The following WDFY3 variants were observed in gnomAD, a reference collection of about 807,000 sequenced individuals.
The protein encoded by WDFY3 is WD repeat and FYVE domain containing 3.
A neutral mutation model predicts 409.6 loss-of-function variants in WDFY3; 66 were observed. The ratio of observed to expected loss-of-function variants is 0.16; its 90% CI spans 0.13 to 0.20. The LOEUF is 0.20. Among genes scored for constraint, WDFY3 ranks in the 10% least tolerant of loss-of-function variants. The pLI is 1.00. For synonymous variants in WDFY3, 1,521 were observed against 1,537.1 expected (o/e 0.99, Z 0.25); for missense variants, 3,031 against 4,298.1 (o/e 0.71, Z 8.24).
rs1031834535 is a variant in WDFY3 at position 84,772,845 on chromosome 4, C to A, written c.4839G>T (p.Lys1613Asn). Reference sequence around the variant, plus strand: ...CCAGAATCAACTTACCAGTGTCAAGCTTCTCTTCATTATTTATTTCCATTA... The same window carrying A: ...CCAGAATCAACTTACCAGTGTCAAGATTCTCTTCATTATTTATTTCCATTA... The part of the protein sequence containing the change: ...FVVMEINNEE[K>N]LDTGTEEEFG... The change falls in exon 30 of 68, where the codon AAG (lysine) becomes AAT (asparagine). Residue 1613 changes from lysine (K) to asparagine (N), a missense_variant. Around this residue, in one of 16 missense-constraint regions of WDFY3, gnomAD observed 342 missense variants for 463.7 expected, o/e 0.74. Coordinates refer to ENST00000295888, the MANE Select transcript of WDFY3 (RefSeq NM_014991.6). 1.2e-6 allele frequency: 2 copies of A among 1,610,222 alleles called. No homozygotes were observed. The highest frequency in any genetic ancestry group is 1.7e-6 in the Non-Finnish European group (2 of 1,178,504).
chr4:84,818,255 C>T (rs1753594389), intron 12 of WDFY3, among the ~76,000 whole-genome samples: 1 of 152,120 alleles, frequency 6.6e-6, no homozygotes, highest in Non-Finnish European at 1.5e-5. Context: ...CTCCTGCTCA[C>T]AAGTGATACT....
intron 32 of WDFY3, among the ~76,000 whole-genome samples, chr4:84,761,980 C>T (rs538829284): frequency 0.012 from 1,881 of 151,728 alleles, 19 homozygotes; most frequent in Non-Finnish European, 0.016. Flanking sequence ...CTGGAGAGGA[C>T]GTGGAGAAAT....
At chr4:84,691,916 CTG>C (rs2148859464) in intron 59 of WDFY3, 131 bp from the exon 60 acceptor site, 1 of 920,322 alleles carries the variant, frequency 1.1e-6, no homozygotes, top group South Asian at 2.2e-5. Context: ...AAAATGATCT[CTG>C]AAATAGAGCT....
chr4:84,809,025 G>A (rs1314008135), intron 14 of WDFY3: 1 of 152,220 alleles, frequency 6.6e-6, no homozygotes, highest in Non-Finnish European at 1.5e-5. Context: ...TAGTTACATG[G>A]TCTATTGATG....
chr4:84,815,800 T>C (rs1412876290), intron 13 of WDFY3, among the ~76,000 whole-genome samples: 4 of 152,108 alleles, frequency 2.6e-5, no homozygotes. Flanking sequence ...TACGGTAGGG[T>C]CCATTGTAAA....
Position 84,736,295 on chromosome 4 carries a change from C to T in WDFY3, c.6790G>A (p.Ala2264Thr). 6.2e-7 allele frequency: 1 copy of T among 1,607,062 alleles called. No homozygotes were observed. The highest frequency in any genetic ancestry group is 1.1e-5 in the South Asian group (1 of 88,872). Residue 2264 changes from alanine (A) to threonine (T), a missense_variant, in exon 42 of 68, where the codon GCT (alanine) becomes ACT (threonine). Around this residue, in one of 16 missense-constraint regions of WDFY3, gnomAD observed 98 missense variants for 194.9 expected, o/e 0.50. Transcript: ENST00000295888. ...TTGGACTGTGTGGTGGGCGCTAAAG[C>T]TTCTCCTCGACTTATGCATTTCTTT... is the stretch of plus-strand genomic sequence containing the variant. Reference protein sequence around the residue: ...HEKKCISRGEALAPTTQSKLS... With the variant: ...HEKKCISRGETLAPTTQSKLS...
chr4:84,914,630 CAAT>C (rs1014653527), intron 2 of WDFY3, among the ~76,000 whole-genome samples: 4 of 152,016 alleles, frequency 2.6e-5, no homozygotes, highest in Admixed American at 1.3e-4. Flanking sequence ...ATCAAAACCA[CAAT>C]GAGACACCAT....
intron 51 of WDFY3, among the ~76,000 whole-genome samples, chr4:84,712,701 C>T (rs1733138247): frequency 6.6e-6 from 1 of 151,800 alleles, no homozygotes; most frequent in African/African-American, 2.4e-5. Flanking sequence ...GGTGACAGAG[C>T]GAGACTCCAT....
At chr4:84,686,866 G>A (rs890511491) in intron 62 of WDFY3, among the ~76,000 whole-genome samples, 5 of 152,108 alleles carry the variant, frequency 3.3e-5, no homozygotes, top group African/African-American at 7.2e-5. Context: ...CAAGCTTCCC[G>A]TTTCAAGACC....
intron 6 of WDFY3, among the ~76,000 whole-genome samples, chr4:84,840,442 A>G (rs1757166470): frequency 6.6e-6 from 1 of 151,932 alleles, no homozygotes; most frequent in African/African-American, 2.4e-5. Context: ...TGATTTTTTT[A>G]TTTTTCCTGA....
chr4:84,874,037 TCA>T (rs1380209510), intron 3 of WDFY3, among the ~76,000 whole-genome samples: 4 of 151,708 alleles, frequency 2.6e-5, no homozygotes, highest in African/African-American at 9.7e-5. Context: ...CGCCTCGGAC[TCA>T]CAAAATGCTG....
At position 84,715,342 on chromosome 4, in the gene WDFY3, G is replaced by A. The variant is rs752218424; in HGVS notation, c.7917C>T (p.Tyr2639=). 4 of 1,610,856 alleles carry A rather than the reference G, an allele frequency of 2.5e-6. No individual in the cohort carries two copies. In the African/African-American group the frequency reaches 4.0e-5, roughly 16 times the overall value. The part of the protein sequence containing the change: ...VEVFSGDGRN[Y]LLAFQKGIRN... ...TGATTCCTTTCTGAAAAGCAAGGAG[G>A]TAATTCCGTCCATCTCCAGAGAAAA... Residue 2639 remains tyrosine, a synonymous_variant, in exon 50 of 68, where the codon TAC becomes TAT. Transcript: ENST00000295888.
chr4:84,831,939 GA>G (rs1755797915), intron 7 of WDFY3, among the ~76,000 whole-genome samples: 1 of 152,100 alleles, frequency 6.6e-6, no homozygotes, highest in South Asian at 2.1e-4. Flanking sequence ...AGGATCCTCA[GA>G]AAAGTAAAAA....
intron 4 of WDFY3, among the ~76,000 whole-genome samples, chr4:84,850,437 C>G (rs184043005): frequency 1.6e-3 from 236 of 152,214 alleles, no homozygotes; most frequent in Non-Finnish European, 1.6e-3. Context: ...CTGCCTCAGC[C>G]TGCCAAGTAG....
chr4:84,814,486 T>C (rs2149772242), intron 13 of WDFY3, among the ~76,000 whole-genome samples: 1 of 152,244 alleles, frequency 6.6e-6, no homozygotes, highest in Non-Finnish European at 1.5e-5. Context: ...AAACAACAAT[T>C]CAAAAGTCTT....
chr4:84,688,019 C>T (rs1299033352), intron 62 of WDFY3, 67 bp downstream of exon 62: 1 of 1,517,652 alleles, frequency 6.6e-7, no homozygotes, highest in East Asian at 2.3e-5. Context: ...TGAGCCCCAC[C>T]ATTTTTAATT....
chr4:84,910,632 T>C (rs1767633398), intron 2 of WDFY3, among the ~76,000 whole-genome samples: 1 of 152,016 alleles, frequency 6.6e-6, no homozygotes, highest in Admixed American at 6.6e-5. Flanking sequence ...TAACATAAAA[T>C]GGGTCATAGA....
chr4:84,923,529 C>T (rs542277102), intron 2 of WDFY3, among the ~76,000 whole-genome samples: 2 of 152,256 alleles, frequency 1.3e-5, no homozygotes, highest in South Asian at 4.1e-4. Context: ...AATGTGTATG[C>T]TTTTCTCCTG....
intron 21 of WDFY3, among the ~76,000 whole-genome samples, chr4:84,793,065 T>C (rs1466765929): frequency 6.6e-6 from 1 of 152,232 alleles, no homozygotes; most frequent in Non-Finnish European, 1.5e-5. Flanking sequence ...GGGAGGCATA[T>C]TACAGTAAGA....
Sources: gnomAD v4.1 joint callset for allele counts (sites outside exome capture counted in the v4.1 genomes callset) on GRCh38, gnomAD v4.1.1 for gene constraint, gnomAD v4.1.1 regional missense constraint, MANE v1.5 for transcripts, NCBI Gene and HGNC (gene_info 2026-07-23, HGNC 2026-07-21) for gene names.